Variants in CSMD1 observed in about 807,000 individuals in gnomAD.
CSMD1 encodes CUB and sushi domain-containing protein 1.
CSMD1 carries 213 observed loss-of-function variants against 417.5 expected under a neutral mutation model. That is an observed-to-expected ratio of 0.51 (90% confidence interval 0.46 to 0.57). The LOEUF (loss-of-function observed/expected upper bound fraction) is 0.57, where lower values mean the gene tolerates loss of function less well. CSMD1 is among the 20% of genes least tolerant of loss of function. CSMD1 has a pLI of 0.00. For synonymous variants in CSMD1, 2,862 were observed against 1,736.8 expected, an observed-to-expected ratio of 1.65 and a Z score of -16.11; for missense variants, 6,923 against 4,529.7, an observed-to-expected ratio of 1.53 and a Z score of -15.17.
chr8:4,516,475 C>T (rs780313558), intron 2 of CSMD1, among the ~76,000 whole-genome samples: 2 of 152,140 alleles, frequency 1.3e-5, no homozygotes, highest in South Asian at 2.1e-4. Context: ...TGAGAGACAA[C>T]GGCTGGACCC....
chr8:3,339,352 C>T (rs1426887770), intron 23 of CSMD1, among the ~76,000 whole-genome samples: 1 of 152,060 alleles, frequency 6.6e-6, no homozygotes, highest in South Asian at 2.1e-4. Flanking sequence ...TATGGGTTCT[C>T]TTCTCTATCA....
chr8:4,002,482 A>G (rs1815765380), intron 4 of CSMD1, among the ~76,000 whole-genome samples: 1 of 152,224 alleles, frequency 6.6e-6, no homozygotes, highest in Non-Finnish European at 1.5e-5. Context: ...ATGAAGCTCT[A>G]CAGGATGATC....
intron 4 of CSMD1, among the ~76,000 whole-genome samples, chr8:4,015,647 A>C (rs1446330634): frequency 1.4e-5 from 2 of 138,476 alleles, no homozygotes; most frequent in Non-Finnish European, 3.1e-5. Context: ...ATAGATAAAA[A>C]TCAGTTTGAA....
At chr8:3,479,519 A>T (rs1042182183) in intron 11 of CSMD1, among the ~76,000 whole-genome samples, 1 of 152,190 alleles carries the variant, frequency 6.6e-6, no homozygotes, top group Non-Finnish European at 1.5e-5. Context: ...ACCTTAGGTG[A>T]TCTGCCCACC....
At chr8:3,513,962 A>C (rs1797183492) in intron 10 of CSMD1, among the ~76,000 whole-genome samples, 1 of 152,252 alleles carries the variant, frequency 6.6e-6, no homozygotes, top group Non-Finnish European at 1.5e-5. Flanking sequence ...ACTTGTAATA[A>C]GAAAACAGAG....
At chr8:4,152,920 T>C (rs139155766) in intron 3 of CSMD1, among the ~76,000 whole-genome samples, 1 of 152,140 alleles carries the variant, frequency 6.6e-6, no homozygotes, top group African/African-American at 2.4e-5. Flanking sequence ...TTATGAAAGG[T>C]GTATACTCTA....
At chr8:4,384,444 C>A (rs1175398929) in intron 3 of CSMD1, among the ~76,000 whole-genome samples, 2 of 152,112 alleles carry the variant, frequency 1.3e-5, no homozygotes, top group Admixed American at 1.3e-4. Context: ...TAAACACTTG[C>A]TGGTTTTTTC....
chr8:4,327,679 T>G (rs1046157432), intron 3 of CSMD1, among the ~76,000 whole-genome samples: 1 of 152,204 alleles, frequency 6.6e-6, no homozygotes, highest in African/African-American at 2.4e-5. Flanking sequence ...GTTTCTAGAA[T>G]GTATTTTGTT....
intron 3 of CSMD1, among the ~76,000 whole-genome samples, chr8:4,142,238 A>G (rs916458403): frequency 4.0e-5 from 6 of 151,190 alleles, no homozygotes; most frequent in African/African-American, 1.5e-4. Flanking sequence ...GTGATACTTA[A>G]TTTACTAATA....
intron 2 of CSMD1, among the ~76,000 whole-genome samples, chr8:4,587,563 C>T (rs1397964353): frequency 2.6e-5 from 4 of 151,946 alleles, no homozygotes; most frequent in Non-Finnish European, 5.9e-5. Context: ...TATTTTGATA[C>T]AGAACCTTTC....
At chr8:4,414,339 C>T (rs756145702) in intron 3 of CSMD1, among the ~76,000 whole-genome samples, 1 of 152,296 alleles carries the variant, frequency 6.6e-6, no homozygotes, top group East Asian at 1.9e-4. Flanking sequence ...AAGAAAAGGT[C>T]TCTCTAGCAG....
intron 3 of CSMD1, among the ~76,000 whole-genome samples, chr8:4,064,256 C>G (rs551704691): frequency 7.2e-5 from 11 of 152,314 alleles, no homozygotes; most frequent in Non-Finnish European, 1.0e-4. Context: ...AAATACTTGA[C>G]GTCAGTCTTC....
chr8:4,090,261 C>A (rs1800646181), intron 3 of CSMD1, among the ~76,000 whole-genome samples: 1 of 152,114 alleles, frequency 6.6e-6, no homozygotes, highest in Non-Finnish European at 1.5e-5. Context: ...GCCCTGTTGT[C>A]AAAGAGCTTA....
At chr8:4,182,479 A>C (rs544488988) in intron 3 of CSMD1, among the ~76,000 whole-genome samples, 5 of 152,304 alleles carry the variant, frequency 3.3e-5, no homozygotes, top group African/African-American at 1.2e-4. Flanking sequence ...TTAATAATCA[A>C]ATAAGATACG....
chr8:3,602,135 G>C (rs549919211), intron 8 of CSMD1, among the ~76,000 whole-genome samples: 2 of 152,152 alleles, frequency 1.3e-5, no homozygotes, highest in Non-Finnish European at 2.9e-5. Context: ...AAATGGTCAG[G>C]ATGCTAAATT....
At chr8:4,174,239 G>C (rs1563223072) in intron 3 of CSMD1, among the ~76,000 whole-genome samples, 1 of 152,104 alleles carries the variant, frequency 6.6e-6, no homozygotes, top group South Asian at 2.1e-4. Flanking sequence ...TGAAAGCAAA[G>C]CGCTAAAAAG....
At chr8:4,779,995 C>A (rs868784732) in intron 1 of CSMD1, among the ~76,000 whole-genome samples, 1 of 151,714 alleles carries the variant, frequency 6.6e-6, no homozygotes, top group Non-Finnish European at 1.5e-5. Context: ...AGCAAACATT[C>A]TTTTCTCTTC....
intron 3 of CSMD1, among the ~76,000 whole-genome samples, chr8:4,341,099 T>C (rs955999023): frequency 6.6e-6 from 1 of 152,110 alleles, no homozygotes; most frequent in Admixed American, 6.6e-5. Context: ...AGAATAGAGA[T>C]ATCTCATTTC....
At chr8:4,401,765 T>C (rs1306563369) in intron 3 of CSMD1, among the ~76,000 whole-genome samples, 3 of 152,110 alleles carry the variant, frequency 2.0e-5, no homozygotes, top group Non-Finnish European at 2.9e-5. Flanking sequence ...CTCTTGAACA[T>C]AGTCCCCGCA....
Sources: allele counts gnomAD v4.1 joint callset (sites outside exome capture counted in the v4.1 genomes callset), GRCh38; gene constraint gnomAD v4.1.1; transcripts MANE v1.5; gene names NCBI Gene and HGNC (gene_info 2026-07-23, HGNC 2026-07-21).